PARVB: variants seen among roughly 807,000 people sequenced by gnomAD.
PARVB encodes beta-parvin.
PARVB carries 46 observed loss-of-function variants against 47.0 expected under a neutral mutation model. The observed-to-expected ratio is 0.98, with a 90% CI of 0.77 to 1.25. The LOEUF is 1.25. PARVB is among the 50% of genes most tolerant of loss of function. PARVB has a pLI of 0.00. For missense variants in PARVB, 473 were observed against 471.6 expected (o/e 1.00, Z -0.03); for synonymous variants, 196 against 196.3 (o/e 1.00, Z 0.01).
intron 3 of PARVB, among the ~76,000 whole-genome samples, chr22:44,100,960 GTC>G (rs1338065360): frequency 2.6e-5 from 4 of 152,160 alleles, no homozygotes; most frequent in African/African-American, 9.7e-5. Flanking sequence ...TGGTGACAGT[GTC>G]TGCCAGAAAC....
rs2053802660 is a variant in PARVB, at chr22:44,151,305, G to C, written c.775-178G>C. ...AGGATAGATGTGGGCATTATGCCAT[G>C]AAAACTAGGGGCTACTGTCAGGATA... On this transcript the variant is annotated intron_variant, in intron 9 of 12. Coordinates refer to ENST00000338758, the MANE Select transcript of PARVB (RefSeq NM_013327.5). 3 of 573,396 alleles carry C rather than the reference G, an allele frequency of 5.2e-6. No individual in the cohort carries two copies. The South Asian group carries it at 5.9e-5, about 11-fold the overall frequency. The allele number at this position is 573,396 out of a possible 1,614,324, so 35.5% of individuals were successfully genotyped here.
At chr22:44,063,150 G>T (rs2051450926) in intron 1 of PARVB, among the ~76,000 whole-genome samples, 1 of 152,162 alleles carries the variant, frequency 6.6e-6, no homozygotes. Context: ...GATTGTCCTG[G>T]CACCTGGAAA....
At position 44,011,654 on chromosome 22, in the gene PARVB, A is replaced by G. The variant is rs544233762; in HGVS notation, c.211+11981A>G. On this transcript the variant is annotated intron_variant, in intron 2 of 13. Coordinates refer to the PARVB transcript ENST00000406477. ...AATAAATAAATAAATAAAATTTAAA[A>G]AATTGAGTCCTTGCATCAGAGTCTG... Among the ~76,000 whole-genome samples the G allele has an allele frequency of 2.6e-5, 4 of 152,180 alleles. No individual in the cohort carries two copies. In the South Asian group the frequency reaches 8.3e-4, roughly 32 times the overall value.
intron 2 of PARVB, among the ~76,000 whole-genome samples, chr22:44,002,562 C>T (rs184220102): frequency 6.6e-5 from 10 of 152,104 alleles, no homozygotes; most frequent in South Asian, 4.2e-4. Flanking sequence ...CTCTGCGCTC[C>T]GTGGGGTGGG....
intron 3 of PARVB, chr22:44,110,113 A>AG: frequency 7.6e-4 from 1 of 1,314 alleles, no homozygotes. Context: ...ACTCCGTCTC[A>AG]AAAAAAAAAA....
intron 8 of PARVB, chr22:44,140,567 C>T (rs1056764710): frequency 1.9e-6 from 1 of 526,362 alleles, no homozygotes; most frequent in Non-Finnish European, 3.8e-6. Flanking sequence ...TTATTTCCTC[C>T]TGGAAACCAC....
At chr22:44,105,203 T>G (rs2052540822) in intron 3 of PARVB, 1 of 152,184 alleles carries the variant, frequency 6.6e-6, no homozygotes, top group African/African-American at 2.4e-5. Context: ...AGCTGGCTGA[T>G]AGAGTGCAAC....
intron 1 of PARVB, among the ~76,000 whole-genome samples, chr22:44,071,749 A>T (rs1328286640): frequency 1.3e-5 from 2 of 152,202 alleles, no homozygotes; most frequent in Non-Finnish European, 2.9e-5. Context: ...TCTTAACTAA[A>T]CAAGGAGGAA....
chr22:43,999,348 A>G (rs749885007), exon 1 of PARVB: 6 of 1,607,450 alleles, frequency 3.7e-6, no homozygotes, highest in South Asian at 3.4e-5. Context: ...CAAATGCACC[A>G]TGTGTTTAAA....
intron 12 of PARVB, among the ~76,000 whole-genome samples, chr22:44,166,049 C>T (rs1006333749): frequency 6.6e-6 from 1 of 152,240 alleles, no homozygotes; most frequent in Admixed American, 6.5e-5. Context: ...CTCAGAAGAG[C>T]CCCTGGTGGC....
At chr22:44,124,355 A>G (rs978812908) in intron 4 of PARVB, among the ~76,000 whole-genome samples, 8 of 152,214 alleles carry the variant, frequency 5.3e-5, no homozygotes. Context: ...AAAGGTCAGC[A>G]TGAGATTCCA....
At chr22:44,040,550 T>C (rs2051000377) in intron 1 of PARVB, among the ~76,000 whole-genome samples, 1 of 151,990 alleles carries the variant, frequency 6.6e-6, no homozygotes, top group Non-Finnish European at 1.5e-5. Flanking sequence ...GAAGTTGCAA[T>C]GATGTGGGGC....
upstream of PARVB, among the ~76,000 whole-genome samples, chr22:44,021,502 C>T (rs772899899): frequency 6.6e-6 from 1 of 152,154 alleles, no homozygotes; most frequent in Non-Finnish European, 1.5e-5. Flanking sequence ...TATCGTTCCC[C>T]TTTATTGCTC....
intron 8 of PARVB, chr22:44,141,362 C>G (rs2053549034): frequency 6.6e-6 from 1 of 152,312 alleles, no homozygotes; most frequent in Non-Finnish European, 1.5e-5. Context: ...GCAGGGAAGC[C>G]AGTTTGAGTC....
rs182338107 is a variant in PARVB, at chr22:44,000,976, C to T, written c.211+1303C>T. Among the ~76,000 whole-genome samples the T allele has an allele frequency of 1.1e-3, 166 of 152,344 alleles. 1 individual carries two copies. Among genetic ancestry groups the T allele is most frequent in the African/African-American group, 3.9e-3 (162 of 41,584 alleles). ...ACAGAAGATCACATTTGGCCAGGTGCGGTGGCCCATGCCTGTAATCCCAGC... is the reference window on the plus strand; with the variant it reads ...ACAGAAGATCACATTTGGCCAGGTGTGGTGGCCCATGCCTGTAATCCCAGC... On this transcript the variant is annotated intron_variant, in intron 2 of 13. Coordinates refer to the PARVB transcript ENST00000406477.
At chr22:44,080,837 G>A (rs1484335007) in intron 1 of PARVB, among the ~76,000 whole-genome samples, 1 of 152,246 alleles carries the variant, frequency 6.6e-6, no homozygotes, top group Non-Finnish European at 1.5e-5. Context: ...CAGGCGTCAT[G>A]TTGGGAGCAG....
At chr22:44,075,010 G>A (rs541828338) in intron 1 of PARVB, among the ~76,000 whole-genome samples, 8 of 152,194 alleles carry the variant, frequency 5.3e-5, no homozygotes, top group Non-Finnish European at 1.2e-4. Context: ...GCATTGCGGG[G>A]TGTTGAGCGG....
intron 7 of PARVB, among the ~76,000 whole-genome samples, chr22:44,138,703 G>A (rs1026849487): frequency 6.6e-6 from 1 of 152,166 alleles, no homozygotes; most frequent in African/African-American, 2.4e-5. Flanking sequence ...CTTCCAGGAA[G>A]CCCTCCTGTC....
At chr22:44,005,486 T>C (rs2050455781) in intron 2 of PARVB, among the ~76,000 whole-genome samples, 1 of 151,770 alleles carries the variant, frequency 6.6e-6, no homozygotes, top group African/African-American at 2.4e-5. Context: ...CTTTCTTTTC[T>C]TTAATTTTTT....
Sources: gnomAD v4.1 joint callset for allele counts (sites outside exome capture counted in the v4.1 genomes callset) on GRCh38, gnomAD v4.1.1 for gene constraint, MANE v1.5 for transcripts, NCBI Gene and HGNC (gene_info 2026-07-23, HGNC 2026-07-21) for gene names.